ARHGEF10: variants seen among roughly 807,000 people sequenced by gnomAD.
ARHGEF10 encodes Rho guanine nucleotide exchange factor 10, also known as Rho guanine nucleotide exchange factor (GEF) 10.
A neutral mutation model predicts 147.4 loss-of-function variants in ARHGEF10; 140 were observed. That is an observed-to-expected ratio of 0.95 (90% CI 0.83 to 1.09). The LOEUF is 1.09. ARHGEF10 is among the 50% of genes least tolerant of loss of function. The pLI is 0.00. For synonymous variants in ARHGEF10, 902 were observed against 695.8 expected, an observed-to-expected ratio of 1.30 and a Z score of -4.67; for missense variants, 2,222 against 1,752.7, an observed-to-expected ratio of 1.27 and a Z score of -4.78.
intron 26 of ARHGEF10, among the ~76,000 whole-genome samples, chr8:1,941,931 G>C (rs1814126888): frequency 6.6e-6 from 1 of 152,208 alleles, no homozygotes; most frequent in Admixed American, 6.5e-5. Context: ...GAAGAATGAA[G>C]TTGGACCCCT....
At chr8:1,827,817 A>T (rs755243455) in intron 1 of ARHGEF10, among the ~76,000 whole-genome samples, 3 of 152,200 alleles carry the variant, frequency 2.0e-5, no homozygotes, top group Non-Finnish European at 4.4e-5. Context: ...TCCATGGGTC[A>T]CTTCTGATAG....
At position 1,888,736 on chromosome 8, in the gene ARHGEF10, G is replaced by A. The variant is rs879367584; in HGVS notation, c.1182+3029G>A. On this transcript the variant is annotated intron_variant, in intron 11 of 28. Transcript: ENST00000349830. ...GGAGACACTGAATAGGGTGAGGTTT[G>A]TGAGGAGACACTGAATAGGGTGAGG... Among the ~76,000 whole-genome samples the A allele has an allele frequency of 0.026, 1,081 of 40,796 alleles. 422 individuals carry two copies. In the East Asian group the frequency reaches 0.31, roughly 12 times the overall value. 26.8% of individuals were successfully genotyped at this position (40,796 alleles called of 152,430 possible).
intron 1 of ARHGEF10, among the ~76,000 whole-genome samples, chr8:1,832,746 G>A (rs867930959): frequency 0.024 from 135 of 5,652 alleles, no homozygotes; most frequent in Middle Eastern, 0.17. Context: ...AGAGGCAGAG[G>A]CAGAGACAGA....
At chr8:1,836,478 G>A (rs546180337) in intron 1 of ARHGEF10, among the ~76,000 whole-genome samples, 4 of 152,164 alleles carry the variant, frequency 2.6e-5, no homozygotes, top group Non-Finnish European at 4.4e-5. Flanking sequence ...TGCCAGCCAC[G>A]TGGGCTGACG....
rs151067209 is a variant in ARHGEF10, at chr8:1,838,584, A to G, written c.-47-4769A>G. 2.6e-3 allele frequency among the ~76,000 whole-genome samples: 399 copies of G among 152,360 alleles called. 2 individuals carry two copies. Among genetic ancestry groups the G allele is most frequent in the African/African-American group, 9.2e-3 (383 of 41,586 alleles). On this transcript the variant is annotated intron_variant, in intron 1 of 28. Transcript: ENST00000349830. ...TTCAAAGAGCCACGCACTCTTCAGC[A>G]CAGTTGGTGTTGGCTGAATATTTTT...
At chr8:1,893,712 G>T (rs1809736489) in intron 12 of ARHGEF10, 66 bp downstream of exon 12, 3 of 1,280,260 alleles carry the variant, frequency 2.3e-6, no homozygotes, top group South Asian at 1.2e-5. Flanking sequence ...TATACATTTT[G>T]ATCCATAAAT....
intron 2 of ARHGEF10, among the ~76,000 whole-genome samples, chr8:1,855,647 T>C (rs142658819): frequency 1.7e-3 from 265 of 152,146 alleles, no homozygotes; most frequent in African/African-American, 6.1e-3. Flanking sequence ...TCCTTGGCCT[T>C]TGAAAGTGCT....
At chr8:1,851,960 A>T (rs1805187836) in intron 2 of ARHGEF10, among the ~76,000 whole-genome samples, 1 of 151,948 alleles carries the variant, frequency 6.6e-6, no homozygotes, top group Non-Finnish European at 1.5e-5. Context: ...TCTCTGCTGC[A>T]GACCATATGA....
chr8:1,854,164 C>T (rs1180598129), intron 2 of ARHGEF10, among the ~76,000 whole-genome samples: 6 of 152,204 alleles, frequency 3.9e-5, no homozygotes, highest in Non-Finnish European at 8.8e-5. Flanking sequence ...CCCCAGGGCC[C>T]AGGGCAGTGT....
intron 3 of ARHGEF10, chr8:1,858,759 G>A (rs58363527): frequency 0.29 from 46,056 of 158,402 alleles, 6,824 homozygotes; most frequent in South Asian, 0.42. Flanking sequence ...TTCTTCAGGT[G>A]TAGTACCAGC....
At chr8:1,888,166 G>A (rs1808897302) in intron 11 of ARHGEF10, among the ~76,000 whole-genome samples, 1 of 77,876 alleles carries the variant, frequency 1.3e-5, no homozygotes. Flanking sequence ...AGGGTTGCGA[G>A]GAGACAGTGA....
intron 4 of ARHGEF10, among the ~76,000 whole-genome samples, chr8:1,863,611 C>T (rs1229451389): frequency 6.6e-6 from 1 of 152,168 alleles, no homozygotes; most frequent in African/African-American, 2.4e-5. Flanking sequence ...CGCACCCACG[C>T]AGTACAGCCA....
At chr8:1,843,653 G>T (rs1804271014) in intron 2 of ARHGEF10, among the ~76,000 whole-genome samples, 1 of 152,214 alleles carries the variant, frequency 6.6e-6, no homozygotes, top group Admixed American at 6.5e-5. Flanking sequence ...TTCCTCACAG[G>T]TGCTGCTGTA....
chr8:1,862,847 C>T (rs1358091646), intron 4 of ARHGEF10, among the ~76,000 whole-genome samples: 1 of 146,314 alleles, frequency 6.8e-6, no homozygotes, highest in Admixed American at 7.0e-5. Flanking sequence ...GGCGGGATCT[C>T]GGCTCACTGC....
At chr8:1,906,040 C>G (rs903171603) in intron 17 of ARHGEF10, among the ~76,000 whole-genome samples, 18 of 152,178 alleles carry the variant, frequency 1.2e-4, no homozygotes, top group African/African-American at 3.4e-4. Context: ...TTTAAATTCT[C>G]TCTTTACCTG....
rs150366587 is a variant in ARHGEF10, at chr8:1,846,953, C to T, written c.37+3517C>T. Among the ~76,000 whole-genome samples the T allele has an allele frequency of 9.8e-5, 15 of 152,314 alleles. No individual in the cohort carries two copies. The East Asian group carries it at 2.7e-3, about 27-fold the overall frequency. ...TTGTGAGTATTTTCAGGCTGCTGCT[C>T]GTTTTTCGTAAGTGTCCTCCTCAGT... is the stretch of plus-strand genomic sequence containing the variant. On this transcript the variant is annotated intron_variant, in intron 2 of 28. Transcript: ENST00000349830.
At chr8:1,940,990 T>A (rs374352518) in intron 26 of ARHGEF10, among the ~76,000 whole-genome samples, 1 of 152,174 alleles carries the variant, frequency 6.6e-6, no homozygotes, top group African/African-American at 2.4e-5. Context: ...CCAAAGGACA[T>A]CTATAAAACA....
intron 27 of ARHGEF10, among the ~76,000 whole-genome samples, chr8:1,951,847 G>C (rs1563333687): frequency 6.6e-6 from 1 of 152,190 alleles, no homozygotes; most frequent in Non-Finnish European, 1.5e-5. Context: ...AAACCACAGT[G>C]AGGCGGGGTC....
chr8:1,885,915 G>T (rs1808620540), intron 11 of ARHGEF10, among the ~76,000 whole-genome samples: 1 of 152,202 alleles, frequency 6.6e-6, no homozygotes, highest in Non-Finnish European at 1.5e-5. Context: ...AGCAGCTGTG[G>T]CCTGGACTCA....
Sources: gnomAD v4.1 joint callset for allele counts (sites outside exome capture counted in the v4.1 genomes callset) on GRCh38, gnomAD v4.1.1 for gene constraint, MANE v1.5 for transcripts, NCBI Gene and HGNC (gene_info 2026-07-23, HGNC 2026-07-21) for gene names.